ARFIP1: variants seen among roughly 807,000 people sequenced by gnomAD.
ARFIP1 encodes the protein ARF interacting protein 1.
ARFIP1 carries 24 observed loss-of-function variants against 42.5 expected under a neutral mutation model. The ratio of observed to expected loss-of-function variants is 0.57; its 90% confidence interval spans 0.41 to 0.80. The LOEUF (loss-of-function observed/expected upper bound fraction) is 0.80. Among genes scored for constraint, ARFIP1 ranks in the 30% least tolerant of loss-of-function variants. The pLI is 0.00. For missense variants in ARFIP1, 354 were observed against 434.0 expected (o/e 0.82, Z 1.64); for synonymous variants, 141 against 153.7 (o/e 0.92, Z 0.61).
intron 1 of ARFIP1, among the ~76,000 whole-genome samples, chr4:152,807,641 A>G (rs1043546884): frequency 6.7e-6 from 1 of 149,352 alleles, no homozygotes; most frequent in Non-Finnish European, 1.5e-5. Context: ...AGTTATTTAT[A>G]TGTCTTTGCT....
In ARFIP1 at chr4:152,804,297, A is replaced by ATTATATATAATATAACATG. The variant is rs1728766191; in HGVS notation, c.-10+24072_-10+24073insTATATATAATATAACATGT. On this transcript the variant is annotated intron_variant, in intron 1 of 8. Transcript: ENST00000353617. ...ATATATAACATAACATGTATTATAT[A>ATTATATATAATATAACATG]TATTATATATATATAACATAACATG... Among the ~76,000 whole-genome samples, 4 of 69,130 alleles carry ATTATATATAATATAACATG rather than the reference A, an allele frequency of 5.8e-5. 1 individual carries two copies. Among genetic ancestry groups the ATTATATATAATATAACATG allele is most frequent in the African/African-American group, 2.7e-4 (4 of 14,616 alleles). 45.4% of individuals were successfully genotyped at this position (69,130 alleles called of 152,430 possible).
intron 2 of ARFIP1, among the ~76,000 whole-genome samples, chr4:152,834,096 G>A (rs1374624148): frequency 6.6e-6 from 1 of 152,112 alleles, no homozygotes; most frequent in Non-Finnish European, 1.5e-5. Context: ...GGAGGTCCCA[G>A]ACTCTTTTAA....
chr4:152,900,842 C>G (rs1307362326), intron 8 of ARFIP1, among the ~76,000 whole-genome samples: 2 of 152,130 alleles, frequency 1.3e-5, no homozygotes, highest in Non-Finnish European at 2.9e-5. Flanking sequence ...ACACTTTTTT[C>G]TTACACACCT....
Position 152,912,287 on chromosome 4 carries a change from T to C in ARFIP1, c.*2068T>C, listed in dbSNP as rs543456921. The C allele has an allele frequency of 2.8e-4, 42 of 152,258 alleles. No homozygotes were observed. Among genetic ancestry groups the C allele is most frequent in the African/African-American group, 9.9e-4 (41 of 41,580 alleles). 9.4% of individuals were successfully genotyped at this position (152,258 alleles called of 1,614,324 possible). ...ATTTATGTTCATTATAGAAAAGAAT[T>C]AGAAGAAAATTTCAAGTAATAGAAG... On this transcript the variant is annotated 3_prime_UTR_variant, in exon 9 of 9. Coordinates refer to ENST00000353617, the MANE Select transcript of ARFIP1 (RefSeq NM_001025595.3).
chr4:152,780,923 C>T (rs1730448537), intron 1 of ARFIP1, among the ~76,000 whole-genome samples: 1 of 152,134 alleles, frequency 6.6e-6, no homozygotes, highest in South Asian at 2.1e-4. Context: ...TCCTCTTGAG[C>T]CCTTTGATTT....
At chr4:152,860,704 C>G (rs540737378) in intron 2 of ARFIP1, among the ~76,000 whole-genome samples, 61 of 152,288 alleles carry the variant, frequency 4.0e-4, no homozygotes, top group African/African-American at 1.1e-3. Flanking sequence ...CAATCCCCTC[C>G]GTTTAATTTA....
chr4:152,832,211 G>A (rs1731304550), intron 2 of ARFIP1, among the ~76,000 whole-genome samples: 1 of 152,166 alleles, frequency 6.6e-6, no homozygotes, highest in Admixed American at 6.5e-5. Flanking sequence ...CACCAGCAAT[G>A]AATGAGAGTT....
intron 5 of ARFIP1, among the ~76,000 whole-genome samples, chr4:152,876,009 C>T (rs1187202391): frequency 6.6e-6 from 1 of 152,146 alleles, no homozygotes; most frequent in African/African-American, 2.4e-5. Context: ...TGCCATGATT[C>T]TGAGGCCTCC....
intron 5 of ARFIP1, among the ~76,000 whole-genome samples, chr4:152,878,849 G>T (rs1195740906): frequency 1.3e-5 from 2 of 152,214 alleles, no homozygotes; most frequent in Non-Finnish European, 2.9e-5. Flanking sequence ...TATCTAGGCT[G>T]TTGTGACAGT....
At chr4:152,837,438 A>G (rs1440572811) in intron 2 of ARFIP1, among the ~76,000 whole-genome samples, 1 of 152,102 alleles carries the variant, frequency 6.6e-6, no homozygotes, top group Middle Eastern at 3.2e-3. Flanking sequence ...ACCAACATGT[A>G]CTGGTTTTTG....
chr4:152,790,454 CT>C (rs1248255621), intron 1 of ARFIP1, among the ~76,000 whole-genome samples: 1 of 151,506 alleles, frequency 6.6e-6, no homozygotes, highest in Non-Finnish European at 1.5e-5. Context: ...TAATTTACAG[CT>C]AGTTTTCTTT....
At chr4:152,884,766 G>A (rs1261163684) in intron 7 of ARFIP1, among the ~76,000 whole-genome samples, 10 of 152,016 alleles carry the variant, frequency 6.6e-5, no homozygotes, top group African/African-American at 2.4e-4. Context: ...AGAACCCATT[G>A]GTTCTCTATG....
intron 5 of ARFIP1, among the ~76,000 whole-genome samples, chr4:152,873,665 C>G (rs1305860645): frequency 8.5e-5 from 13 of 152,156 alleles, no homozygotes; most frequent in Admixed American, 8.5e-4. Flanking sequence ...AATATTCTTT[C>G]ACCTTTTCCC....
chr4:152,807,217 T>C (rs1175636254), intron 1 of ARFIP1: 1 of 151,812 alleles, frequency 6.6e-6, no homozygotes, highest in Admixed American at 6.6e-5. Flanking sequence ...TGGGTTCTTA[T>C]AAGGAAAGCT....
intron 8 of ARFIP1, among the ~76,000 whole-genome samples, chr4:152,890,801 G>A (rs1214791407): frequency 6.6e-6 from 1 of 152,046 alleles, no homozygotes; most frequent in Non-Finnish European, 1.5e-5. Context: ...CAGATATAAA[G>A]GCTTGGAAGT....
chr4:152,882,643 C>A, intron 6 of ARFIP1, 80 bp from the exon 7 acceptor site: 3 of 1,328,730 alleles, frequency 2.3e-6, no homozygotes, highest in South Asian at 1.3e-5. Context: ...CATATTTTCC[C>A]ATTAGTGACG....
At position 152,880,853 on chromosome 4, in the gene ARFIP1, T is replaced by C. The variant is rs73865262; in HGVS notation, c.412-110T>C. ...AAGTAAGGGAGCTGACAATTTTCAG[T>C]TTGTTACGCTAGCTTGTTTGAATCC... On this transcript the variant is annotated intron_variant, in intron 5 of 8. Transcript: ENST00000353617. 1.4e-5 allele frequency: 11 copies of C among 798,776 alleles called. No individual in the cohort carries two copies. In the Admixed American group the frequency reaches 2.3e-4, roughly 16 times the overall value. The allele number at this position is 798,776 out of a possible 1,614,324, so 49.5% of individuals were successfully genotyped here.
chr4:152,898,442 A>T (rs996293810), intron 8 of ARFIP1, among the ~76,000 whole-genome samples: 1 of 151,892 alleles, frequency 6.6e-6, no homozygotes, highest in Non-Finnish European at 1.5e-5. Flanking sequence ...TAACATCCTG[A>T]TTTTCTATCC....
intron 5 of ARFIP1, 96 bp from the exon 6 acceptor site, chr4:152,880,867 T>C: frequency 1.1e-6 from 1 of 948,200 alleles, no homozygotes; most frequent in South Asian, 1.6e-5. Flanking sequence ...TTACGCTAGC[T>C]TGTTTGAATC....
Sources: allele counts gnomAD v4.1 joint callset (sites outside exome capture counted in the v4.1 genomes callset), GRCh38; gene constraint gnomAD v4.1.1; transcripts MANE v1.5; gene names NCBI Gene and HGNC (gene_info 2026-07-23, HGNC 2026-07-21).